SSBP2: variants seen among roughly 807,000 people sequenced by gnomAD.
SSBP2 encodes the protein single-stranded DNA-binding protein 2.
Under a neutral mutation model 61.8 loss-of-function variants are expected in SSBP2, and 17 were observed. The observed-to-expected ratio is 0.28, with a 90% CI of 0.19 to 0.41. The LOEUF is 0.41. Among genes scored for constraint, SSBP2 ranks in the 10% least tolerant of loss-of-function variants. SSBP2 has a pLI of 1.00. For synonymous variants in SSBP2, 139 were observed against 141.3 expected (o/e 0.98, Z 0.12); for missense variants, 310 against 458.7 (o/e 0.68, Z 2.96).
chr5:81,562,039 G>A (rs1481259724), intron 4 of SSBP2, among the ~76,000 whole-genome samples: 1 of 151,970 alleles, frequency 6.6e-6, no homozygotes, highest in East Asian at 1.9e-4. Flanking sequence ...CAAGTAGCTG[G>A]GGCTATAGGC....
chr5:81,622,256 A>G (rs1320258554), intron 3 of SSBP2, among the ~76,000 whole-genome samples: 1 of 152,152 alleles, frequency 6.6e-6, no homozygotes, highest in Non-Finnish European at 1.5e-5. Context: ...CCTTCCATCT[A>G]CTAAATTAAC....
At position 81,417,293 on chromosome 5, in the gene SSBP2, A is replaced by G. The variant is rs548792320; in HGVS notation, c.*3211T>C. 3.9e-4 allele frequency: 59 copies of G among 152,362 alleles called. No individual in the cohort carries two copies. Among genetic ancestry groups the G allele is most frequent in the African/African-American group, 1.3e-3 (56 of 41,586 alleles). 9.4% of individuals were successfully genotyped at this position (152,362 alleles called of 1,614,324 possible). A position where few individuals can be genotyped will look rare whatever the true frequency, so the allele number is the denominator to read the frequency against. On this transcript the variant is annotated 3_prime_UTR_variant, in exon 17 of 17. Coordinates refer to ENST00000320672, the MANE Select transcript of SSBP2 (RefSeq NM_012446.5). Reference sequence around the variant, plus strand: ...AAATATGTGTTGTATTACAAGATCAATGACACCCTACAGCCTTTGTTCCCA... The same window carrying G: ...AAATATGTGTTGTATTACAAGATCAGTGACACCCTACAGCCTTTGTTCCCA...
intron 3 of SSBP2, among the ~76,000 whole-genome samples, chr5:81,620,138 C>G (rs1445178869): frequency 9.0e-6 from 1 of 111,566 alleles, no homozygotes; most frequent in African/African-American, 3.7e-5. Context: ...AAAGGGTATT[C>G]AATTAGGAAA....
chr5:81,430,419 T>G (rs1561387340), intron 15 of SSBP2, among the ~76,000 whole-genome samples: 1 of 152,190 alleles, frequency 6.6e-6, no homozygotes, highest in Non-Finnish European at 1.5e-5. Context: ...TATTCTTGTG[T>G]AACATTCATA....
chr5:81,439,667 GTTTTT>G (rs61650905), intron 14 of SSBP2, among the ~76,000 whole-genome samples: 1 of 100,156 alleles, frequency 1.0e-5, no homozygotes, highest in African/African-American at 5.1e-5. Flanking sequence ...TGCCCAGCTA[GTTTTT>G]TTTTTTTTTT....
chr5:81,736,792 G>A (rs1027561541), intron 1 of SSBP2, among the ~76,000 whole-genome samples: 4 of 152,156 alleles, frequency 2.6e-5, no homozygotes, highest in African/African-American at 7.2e-5. Flanking sequence ...AAGTAGAAAG[G>A]AAATTTAGAA....
chr5:81,685,271 T>C (rs995722950), intron 1 of SSBP2, among the ~76,000 whole-genome samples: 4 of 152,154 alleles, frequency 2.6e-5, no homozygotes, highest in African/African-American at 7.2e-5. Context: ...AGCATAACAA[T>C]AGACTAATAC....
intron 5 of SSBP2, among the ~76,000 whole-genome samples, chr5:81,498,653 TAATTA>T (rs2154066971): frequency 6.6e-6 from 1 of 152,202 alleles, no homozygotes; most frequent in South Asian, 2.1e-4. Flanking sequence ...TTAGTTAATT[TAATTA>T]TCTTTCCCGT....
Position 81,416,604 on chromosome 5 carries a change from G to T in SSBP2, c.*3900C>A, listed in dbSNP as rs971302371. ...TGCTATACATTCCTAGGGACAATATGATGAAGAAAAGATATAGACAGATGT... is the reference window on the plus strand; with the variant it reads ...TGCTATACATTCCTAGGGACAATATTATGAAGAAAAGATATAGACAGATGT... On this transcript the variant is annotated 3_prime_UTR_variant, in exon 17 of 17. Transcript: ENST00000320672. The T allele has an allele frequency of 6.6e-6, 1 of 152,168 alleles. No individual in the cohort carries two copies. Among genetic ancestry groups the T allele is most frequent in the Non-Finnish European group, 1.5e-5 (1 of 68,020 alleles). The allele number at this position is 152,168 out of a possible 1,614,324, so 9.4% of individuals were successfully genotyped here.
intron 4 of SSBP2, among the ~76,000 whole-genome samples, chr5:81,579,521 AC>A (rs1216788445): frequency 6.6e-6 from 1 of 152,086 alleles, no homozygotes; most frequent in Non-Finnish European, 1.5e-5. Flanking sequence ...CAATGTACAG[AC>A]CTCATTCAGG....
chr5:81,720,435 C>T (rs1411658916), intron 1 of SSBP2, among the ~76,000 whole-genome samples: 1 of 152,208 alleles, frequency 6.6e-6, no homozygotes, highest in Non-Finnish European at 1.5e-5. Context: ...CTGAGAAAGT[C>T]ATACTACTGC....
intron 4 of SSBP2, among the ~76,000 whole-genome samples, chr5:81,541,893 T>C (rs1771302894): frequency 6.6e-6 from 1 of 152,160 alleles, no homozygotes; most frequent in South Asian, 2.1e-4. Context: ...TCAAAAGCAA[T>C]TGCAACAAAA....
Position 81,499,062 on chromosome 5 carries a change from GA to G in SSBP2, c.373-9754del. On this transcript the variant is annotated intron_variant, in intron 5 of 16. Coordinates refer to ENST00000320672, the MANE Select transcript of SSBP2 (RefSeq NM_012446.5). ...ATCAGACATTACTGACACCCCAGTG[GA>G]TAAGACATTCCTGATTAACACATTT... 2.0e-5 allele frequency among the ~76,000 whole-genome samples: 3 copies of G among 152,208 alleles called. No individual in the cohort carries two copies. The Middle Eastern group carries it at 0.01, about 521-fold the overall frequency.
intron 1 of SSBP2, among the ~76,000 whole-genome samples, chr5:81,655,881 A>G (rs1750164631): frequency 6.6e-6 from 1 of 152,224 alleles, no homozygotes; most frequent in South Asian, 2.1e-4. Flanking sequence ...TCCTTCAACT[A>G]GGCTTCATGA....
intron 1 of SSBP2, among the ~76,000 whole-genome samples, chr5:81,748,276 TTAAGA>T (rs528440792): frequency 2.9e-4 from 44 of 152,328 alleles, no homozygotes; most frequent in Middle Eastern, 6.8e-3. Context: ...TCTGTGATTT[TTAAGA>T]TAAGAACAGT....
chr5:81,564,403 TCA>T (rs933383006), intron 4 of SSBP2, among the ~76,000 whole-genome samples: 4 of 152,224 alleles, frequency 2.6e-5, no homozygotes, highest in Admixed American at 2.6e-4. Context: ...CCTCAGTACC[TCA>T]CAGTTTTCCA....
chr5:81,442,353 T>C (rs1246450983), intron 13 of SSBP2, among the ~76,000 whole-genome samples: 1 of 152,128 alleles, frequency 6.6e-6, no homozygotes, highest in African/African-American at 2.4e-5. Flanking sequence ...TAAATGATTA[T>C]ACATAACCTG....
chr5:81,622,691 G>A (rs1272451847), intron 3 of SSBP2, among the ~76,000 whole-genome samples: 1 of 152,120 alleles, frequency 6.6e-6, no homozygotes, highest in African/African-American at 2.4e-5. Flanking sequence ...TGTGGTAAGG[G>A]CACACACGAT....
At chr5:81,485,603 C>T (rs150728286) in intron 6 of SSBP2, among the ~76,000 whole-genome samples, 107 of 152,194 alleles carry the variant, frequency 7.0e-4, no homozygotes, top group African/African-American at 2.4e-3. Context: ...TAAAACATAA[C>T]GTCATTAGTT....
Sources: gnomAD v4.1 joint callset for allele counts (sites outside exome capture counted in the v4.1 genomes callset) on GRCh38, gnomAD v4.1.1 for gene constraint, MANE v1.5 for transcripts, NCBI Gene and HGNC (gene_info 2026-07-23, HGNC 2026-07-21) for gene names.